SERPINF1: variants seen among roughly 807,000 people sequenced by gnomAD.
SERPINF1 encodes pigment epithelium-derived factor.
Under a neutral mutation model 37.3 loss-of-function variants are expected in SERPINF1, and 29 were observed. The ratio of observed to expected loss-of-function variants is 0.78; its 90% CI spans 0.58 to 1.06. The LOEUF (loss-of-function observed/expected upper bound fraction) is 1.06, where lower values mean the gene tolerates loss of function less well. Among genes scored for constraint, SERPINF1 ranks in the 50% least tolerant of loss-of-function variants. The pLI, the probability that SERPINF1 is intolerant of heterozygous loss-of-function variation, is 0.00. For missense variants in SERPINF1, 553 were observed against 532.2 expected (o/e 1.04, Z -0.38); for synonymous variants, 281 against 227.9 (o/e 1.23, Z -2.10).
intron 4 of SERPINF1, among the ~76,000 whole-genome samples, chr17:1,771,430 G>A (rs1233074400): frequency 6.6e-6 from 1 of 151,992 alleles, no homozygotes; most frequent in Admixed American, 6.6e-5. Context: ...AGCAGAGACG[G>A]GGTTTCACCG....
chr17:1,766,919 C>A lies in SERPINF1; in HGVS notation c.9C>A (p.Ala3=). ...TTCTTGCAGGCCCCAGGATGCAGGC[C>A]CTGGTGCTACTCCTCTGCATTGGAG... MQ[A]LVLLLCIGAL... The change falls in exon 2 of 8, where the codon GCC becomes GCA. Residue 3 remains alanine (A), a synonymous_variant. Transcript: ENST00000254722. The A allele has an allele frequency of 6.4e-7, 1 of 1,561,990 alleles. No individual in the cohort carries two copies. The highest frequency in any genetic ancestry group is 2.4e-5 in the East Asian group (1 of 41,958).
At chr17:1,772,283 AT>A (rs1455272583) in intron 5 of SERPINF1, among the ~76,000 whole-genome samples, 1 of 151,276 alleles carries the variant, frequency 6.6e-6, no homozygotes, top group Non-Finnish European at 1.5e-5. Flanking sequence ...CTCCCGGCTA[AT>A]TTTTTGTATT....
chr17:1,775,305 A>G lies in SERPINF1; in HGVS notation c.786+105A>G, dbSNP rs556854302. 7.4e-5 allele frequency: 87 copies of G among 1,177,702 alleles called. 2 individuals carry two copies. The African/African-American group carries it at 9.2e-4, about 12-fold the overall frequency. 73.0% of individuals were successfully genotyped at this position (1,177,702 alleles called of 1,614,324 possible). A position where few individuals can be genotyped will look rare whatever the true frequency, so the allele number is the denominator to read the frequency against. On this transcript the variant is annotated intron_variant, in intron 6 of 7. Transcript: ENST00000254722. ...GACCTTTGAGATCCGACAGCTGTCT[A>G]CATGTCGCCTGCTGTGTGACTTTGA...
chr17:1,774,598 C>A (rs2151211178), intron 5 of SERPINF1, among the ~76,000 whole-genome samples: 1 of 152,232 alleles, frequency 6.6e-6, no homozygotes, highest in Non-Finnish European at 1.5e-5. Flanking sequence ...TCCTGAAGGG[C>A]TGGGACTACA....
At chr17:1,771,230 A>G (rs1441461250) in intron 4 of SERPINF1, 46 bp downstream of exon 4, 2 of 1,581,550 alleles carry the variant, frequency 1.3e-6, no homozygotes, top group Non-Finnish European at 1.7e-6. Context: ...TGTGGGCTCC[A>G]TGCTGCAGGC....
intron 2 of SERPINF1, among the ~76,000 whole-genome samples, chr17:1,767,702 G>A (rs1009755166): frequency 3.3e-5 from 5 of 152,234 alleles, no homozygotes; most frequent in Non-Finnish European, 7.3e-5. Context: ...GCATCTTGGC[G>A]AGAGCCCTGG....
In SERPINF1 at chr17:1,766,979, C is replaced by T. The variant is rs1178957056; in HGVS notation, c.69C>T (p.Ala23=). ...GGCACAGCAGCTGCCAGAACCCTGCCAGCCCCCCGGAGGAGGTCAGTAGGC... is the reference window on the plus strand; with the variant it reads ...GGCACAGCAGCTGCCAGAACCCTGCTAGCCCCCCGGAGGAGGTCAGTAGGC... ...LLGHSSCQNP[A]SPPEEGSPDP... is the part of the protein sequence containing the mutation. The change falls in exon 2 of 8, where the codon GCC becomes GCT. Residue 23 remains alanine, a synonymous_variant. Transcript: ENST00000254722. 2 of 1,556,464 alleles carry T rather than the reference C, an allele frequency of 1.3e-6. No homozygotes were observed. The highest frequency in any genetic ancestry group is 2.7e-5 in the African/African-American group (2 of 73,412).
intron 6 of SERPINF1, 117 bp from the exon 7 acceptor site, chr17:1,776,415 T>C: frequency 2.3e-6 from 2 of 880,034 alleles, no homozygotes; most frequent in Non-Finnish European, 3.8e-6. Flanking sequence ...GATGAGGGGC[T>C]GGATGAAGGA....
chr17:1,771,733 T>C (rs1907748496), intron 4 of SERPINF1, 139 bp from the exon 5 acceptor site: 3 of 819,308 alleles, frequency 3.7e-6, no homozygotes, highest in Admixed American at 4.0e-5. Context: ...GCAGAAGTCC[T>C]GGCAAGTCAC....
At chr17:1,769,565 A>G (rs1036207900) in intron 2 of SERPINF1, 148 of 491,292 alleles carry the variant, frequency 3.0e-4, no homozygotes, top group Middle Eastern at 5.7e-4. Flanking sequence ...TGGAGGTTGC[A>G]GTGAGCTGAG....
chr17:1,772,150 T>A, intron 5 of SERPINF1, 75 bp downstream of exon 5: 1 of 1,475,868 alleles, frequency 6.8e-7, no homozygotes. Context: ...GGAGTCTTAC[T>A]CTGTAGTCCT....
In SERPINF1 at chr17:1,777,448, A is replaced by G. The variant is rs1174910096; in HGVS notation, c.*2A>G. 1.9e-6 allele frequency: 3 copies of G among 1,613,906 alleles called. No homozygotes were observed. The highest frequency in any genetic ancestry group is 1.3e-5 in the African/African-American group (1 of 74,898). On this transcript the variant is annotated 3_prime_UTR_variant, in exon 8 of 8. Transcript: ENST00000254722. ...ATTCTGGACCCCAGGGGCCCCTAAT[A>G]TCCCAGTTTAATATTCCAATACCCT... is the stretch of plus-strand genomic sequence containing the variant.
At chr17:1,762,748 G>C (rs1335705791) in intron 1 of SERPINF1, 1 of 152,416 alleles carries the variant, frequency 6.6e-6, no homozygotes, top group Non-Finnish European at 1.5e-5. Context: ...CGACCAATGA[G>C]GTTGTGGCCT....
chr17:1,771,527 C>G (rs140244524), intron 4 of SERPINF1, among the ~76,000 whole-genome samples: 1 of 152,074 alleles, frequency 6.6e-6, no homozygotes, highest in African/African-American at 2.4e-5. Flanking sequence ...TGTGAGCCAC[C>G]GCGCTCGGCC....
chr17:1,766,229 G>A (rs942811151), intron 1 of SERPINF1: 1 of 152,306 alleles, frequency 6.6e-6, no homozygotes, highest in Non-Finnish European at 1.5e-5. Flanking sequence ...CCCTGCTGGG[G>A]CTGGGGCCCC....
Position 1,777,403 on chromosome 17 carries a change from C to T in SERPINF1, c.1214C>T (p.Ala405Val), listed in dbSNP as rs750443950. Residue 405 changes from alanine (A) to valine (V), a missense_variant, in exon 8 of 8, where the codon GCC becomes GTC. Ala to Val is a moderately conservative substitution (Grantham distance 64). Coordinates refer to ENST00000254722, the MANE Select transcript of SERPINF1 (RefSeq NM_002615.7). ...IFVLRDTDTG[A>V]LLFIGKILDP... ...GTACTGAGGGACACAGACACAGGGG[C>T]CCTTCTCTTCATTGGCAAGATTCTG... is the stretch of plus-strand genomic sequence containing the variant. 30 of 1,614,012 alleles carry T rather than the reference C, an allele frequency of 1.9e-5. No homozygotes were observed. The highest frequency in any genetic ancestry group is 2.5e-5 in the Non-Finnish European group (29 of 1,180,036).
In SERPINF1 at chr17:1,775,153, CCTAAGG is replaced by C. The variant is rs1597355459; in HGVS notation, c.742_747del (p.Lys248_Ala249del). The stretch of plus-strand genomic sequence containing the variant: ...CGTGAGGGTCCCCATGATGTCGGAC[CCTAAGG>C]CTGTTTTACGCTATGGCTTGGATTC... On this transcript the variant is annotated inframe_deletion, in exon 6 of 8. Transcript: ENST00000254722. The C allele has an allele frequency of 1.9e-6, 3 of 1,613,890 alleles. No individual in the cohort carries two copies. The highest frequency in any genetic ancestry group is 2.2e-5 in the South Asian group (2 of 91,078).
At chr17:1,768,680 T>C (rs1330266562) in intron 2 of SERPINF1, among the ~76,000 whole-genome samples, 1 of 151,936 alleles carries the variant, frequency 6.6e-6, no homozygotes, top group Non-Finnish European at 1.5e-5. Context: ...CCTCACCATG[T>C]TGCTCAGGTT....
chr17:1,764,021 A>G (rs762835466), intron 1 of SERPINF1, among the ~76,000 whole-genome samples: 24 of 152,184 alleles, frequency 1.6e-4, no homozygotes, highest in Non-Finnish European at 2.9e-4. Context: ...CATCTCTACT[A>G]AAACATAAAA....
Sources: gnomAD v4.1 joint callset for allele counts (sites outside exome capture counted in the v4.1 genomes callset) on GRCh38, gnomAD v4.1.1 for gene constraint, MANE v1.5 for transcripts, NCBI Gene and HGNC (gene_info 2026-07-23, HGNC 2026-07-21) for gene names.